PRKG1: variants seen among roughly 807,000 people sequenced by gnomAD.
PRKG1 encodes the protein cGMP-dependent protein kinase 1.
PRKG1 carries 35 observed loss-of-function variants against 88.1 expected under a neutral mutation model. The observed-to-expected ratio is 0.40, with a 90% confidence interval of 0.30 to 0.53. The LOEUF (loss-of-function observed/expected upper bound fraction) is 0.53, where lower values mean the gene tolerates loss of function less well. PRKG1 is among the 20% of genes least tolerant of loss of function. The pLI is 0.59. For missense variants in PRKG1, 540 were observed against 839.8 expected (o/e 0.64, Z 4.41); for synonymous variants, 303 against 292.5 (o/e 1.04, Z -0.37).
intron 3 of PRKG1, among the ~76,000 whole-genome samples, chr10:51,523,115 T>G (rs1416219901): frequency 6.6e-6 from 1 of 152,224 alleles, no homozygotes; most frequent in Non-Finnish European, 1.5e-5. Flanking sequence ...ATGATTTTTT[T>G]TTTAACATGG....
chr10:51,774,405 G>A (rs988671209), intron 3 of PRKG1, among the ~76,000 whole-genome samples: 1 of 151,892 alleles, frequency 6.6e-6, no homozygotes, highest in African/African-American at 2.4e-5. Context: ...TGTAATATAA[G>A]CTTTTGTGAG....
In PRKG1 at chr10:51,385,873, T is replaced by C. The variant is rs185802397; in HGVS notation, c.479-81850T>C. 2.5e-4 allele frequency among the ~76,000 whole-genome samples: 38 copies of C among 152,328 alleles called. No individual in the cohort carries two copies. The East Asian group carries it at 7.1e-3, about 29-fold the overall frequency. Reference sequence around the variant, plus strand: ...CTAGTTTTCTTTTTCCTCTCTCACATTTCTCCCTTCTATTCTACTAATAGG... The same window carrying C: ...CTAGTTTTCTTTTTCCTCTCTCACACTTCTCCCTTCTATTCTACTAATAGG... On this transcript the variant is annotated intron_variant, in intron 2 of 17. Coordinates refer to ENST00000373980, the MANE Select transcript of PRKG1 (RefSeq NM_006258.4).
chr10:52,081,508 C>T (rs1442173212), intron 7 of PRKG1: 3 of 443,842 alleles, frequency 6.8e-6, no homozygotes, highest in African/African-American at 6.0e-5. Flanking sequence ...TTTGTGTCTT[C>T]AATTAAGGTA....
intron 10 of PRKG1, among the ~76,000 whole-genome samples, chr10:52,265,495 A>G (rs72787341): frequency 0.052 from 7,899 of 152,230 alleles, 288 homozygotes; most frequent in South Asian, 0.19. Flanking sequence ...GGTTAAATGA[A>G]TGAATAGATA....
At chr10:52,073,175 T>A (rs769041542) in intron 7 of PRKG1, among the ~76,000 whole-genome samples, 3 of 152,218 alleles carry the variant, frequency 2.0e-5, no homozygotes, top group Non-Finnish European at 2.9e-5. Context: ...CGTGTGCCTC[T>A]GTATCAAAAT....
At chr10:51,462,975 T>C (rs1233869644) in intron 2 of PRKG1, among the ~76,000 whole-genome samples, 1 of 152,138 alleles carries the variant, frequency 6.6e-6, no homozygotes, top group Non-Finnish European at 1.5e-5. Flanking sequence ...ATTACCACAT[T>C]TGGGTTATCA....
At chr10:51,594,114 T>C (rs754438776) in intron 3 of PRKG1, among the ~76,000 whole-genome samples, 23 of 152,146 alleles carry the variant, frequency 1.5e-4, no homozygotes, top group Non-Finnish European at 1.8e-4. Context: ...AGTCTCAAAC[T>C]CCTGGGCTCA....
At chr10:51,616,870 G>A (rs1050009011) in intron 3 of PRKG1, among the ~76,000 whole-genome samples, 8 of 152,166 alleles carry the variant, frequency 5.3e-5, no homozygotes, top group African/African-American at 1.9e-4. Context: ...CAAAAAGGTG[G>A]TGACCTATTC....
chr10:51,501,809 T>TTTTTTTTTTTTTTTTTTTTTTA (rs1841034220), intron 3 of PRKG1, among the ~76,000 whole-genome samples: 1 of 129,554 alleles, frequency 7.7e-6, no homozygotes, highest in Non-Finnish European at 1.7e-5. Flanking sequence ...TTTTTTTTTT[T>TTTTTTTTTTTTTTTTTTTTTTA]GTCAGTTTTG....
intron 2 of PRKG1, among the ~76,000 whole-genome samples, chr10:51,367,439 A>G (rs957670869): frequency 1.3e-5 from 2 of 151,966 alleles, no homozygotes; most frequent in African/African-American, 2.4e-5. Flanking sequence ...GTATGTACAA[A>G]TGCTGCTGAG....
At chr10:51,328,666 A>G (rs546147377) in intron 2 of PRKG1, among the ~76,000 whole-genome samples, 51 of 152,186 alleles carry the variant, frequency 3.4e-4, no homozygotes, top group Non-Finnish European at 6.0e-4. Context: ...ATCTTCGGTG[A>G]TACTTGTTAT....
At chr10:51,818,334 CTAGT>C (rs1176976190) in intron 4 of PRKG1, among the ~76,000 whole-genome samples, 1 of 152,134 alleles carries the variant, frequency 6.6e-6, no homozygotes, top group African/African-American at 2.4e-5. Flanking sequence ...ATTCTAACAT[CTAGT>C]TAGTCTTTCT....
intron 3 of PRKG1, among the ~76,000 whole-genome samples, chr10:51,618,298 T>A (rs1839115700): frequency 6.6e-6 from 1 of 152,164 alleles, no homozygotes; most frequent in African/African-American, 2.4e-5. Context: ...ATAGCCATGG[T>A]CCAGAAAATT....
chr10:51,713,780 T>C (rs1841817048), intron 3 of PRKG1, among the ~76,000 whole-genome samples: 1 of 152,194 alleles, frequency 6.6e-6, no homozygotes. Flanking sequence ...CATAAGTTTA[T>C]GTAATGCAAG....
At chr10:51,577,305 G>A (rs1837913691) in intron 3 of PRKG1, among the ~76,000 whole-genome samples, 1 of 151,994 alleles carries the variant, frequency 6.6e-6, no homozygotes. Context: ...TATTTCCCAT[G>A]TAGTATTACC....
intron 1 of PRKG1, among the ~76,000 whole-genome samples, chr10:51,052,574 T>C (rs1193201942): frequency 6.6e-6 from 1 of 152,224 alleles, no homozygotes; most frequent in Non-Finnish European, 1.5e-5. Flanking sequence ...ATTTAGCCCT[T>C]ACTCCATACT....
At chr10:51,887,395 TC>T (rs1398733195) in intron 4 of PRKG1, among the ~76,000 whole-genome samples, 4 of 152,232 alleles carry the variant, frequency 2.6e-5, no homozygotes, top group African/African-American at 7.2e-5. Context: ...AGATATCTTT[TC>T]AAGATCTGAA....
intron 1 of PRKG1, among the ~76,000 whole-genome samples, chr10:51,030,777 C>T (rs947444657): frequency 2.0e-5 from 3 of 152,266 alleles, no homozygotes; most frequent in African/African-American, 4.8e-5. Context: ...TACATCGGCT[C>T]CCCTTTGCCT....
At chr10:51,446,732 C>G (rs891307174) in intron 2 of PRKG1, among the ~76,000 whole-genome samples, 8 of 152,094 alleles carry the variant, frequency 5.3e-5, no homozygotes, top group African/African-American at 1.9e-4. Flanking sequence ...TCTCATCACA[C>G]ACTTCCTCCA....
Sources: gnomAD v4.1 joint callset for allele counts (sites outside exome capture counted in the v4.1 genomes callset) on GRCh38, gnomAD v4.1.1 for gene constraint, MANE v1.5 for transcripts, NCBI Gene and HGNC (gene_info 2026-07-23, HGNC 2026-07-21) for gene names.